Variants in SLCO1B3 observed in about 807,000 individuals in gnomAD.
SLCO1B3 encodes solute carrier organic anion transporter family member 1B3.
Under a neutral mutation model 71.8 loss-of-function variants are expected in SLCO1B3, and 72 were observed. The observed-to-expected ratio is 1.00, with a 90% CI of 0.83 to 1.22. The LOEUF (loss-of-function observed/expected upper bound fraction) is 1.22. Ranked by LOEUF, SLCO1B3 falls within the 50% of genes most tolerant of loss-of-function variation. SLCO1B3 has a pLI of 0.00. For missense variants in SLCO1B3, 911 were observed against 819.7 expected (o/e 1.11, Z -1.36); for synonymous variants, 298 against 278.4 (o/e 1.07, Z -0.70).
At chr12:20,856,802 T>C (rs1865149213) in intron 4 of SLCO1B3, among the ~76,000 whole-genome samples, 1 of 152,228 alleles carries the variant, frequency 6.6e-6, no homozygotes, top group East Asian at 1.9e-4. Context: ...TCAAGTGATC[T>C]GCTAGCCTCA....
intron 3 of SLCO1B3, among the ~76,000 whole-genome samples, chr12:20,849,868 A>T (rs1864990017): frequency 6.6e-6 from 1 of 152,048 alleles, no homozygotes; most frequent in East Asian, 1.9e-4. Flanking sequence ...GTTAAAAAAA[A>T]TCACACACTG....
chr12:20,885,469 TAAGC>T (rs1012305873), intron 13 of SLCO1B3, among the ~76,000 whole-genome samples: 7 of 151,466 alleles, frequency 4.6e-5, no homozygotes, highest in East Asian at 1.9e-4. Context: ...AATAAACAAA[TAAGC>T]AAGTAAATAT....
intron 3 of SLCO1B3, among the ~76,000 whole-genome samples, chr12:20,851,165 A>G (rs1307795069): frequency 2.0e-5 from 3 of 152,168 alleles, no homozygotes; most frequent in Non-Finnish European, 4.4e-5. Flanking sequence ...TCCCAGTTTG[A>G]ATTTCTTTGA....
intron 15 of SLCO1B3, among the ~76,000 whole-genome samples, chr12:20,905,205 A>C (rs1277339067): frequency 6.6e-6 from 1 of 152,156 alleles, no homozygotes; most frequent in Non-Finnish European, 1.5e-5. Context: ...TGCACAGGGC[A>C]GCAGGGCCCT....
intron 3 of SLCO1B3, among the ~76,000 whole-genome samples, chr12:20,850,696 C>T (rs765353156): frequency 4.6e-5 from 7 of 152,084 alleles, no homozygotes; most frequent in Non-Finnish European, 1.0e-4. Context: ...TCTATTGTTC[C>T]CTTCTTTGTA....
intron 14 of SLCO1B3, among the ~76,000 whole-genome samples, chr12:20,900,032 T>G (rs984868138): frequency 6.6e-6 from 1 of 152,188 alleles, no homozygotes; most frequent in Non-Finnish European, 1.5e-5. Flanking sequence ...ACAATTCTAA[T>G]AAGACAAAGT....
At position 20,845,446 on chromosome 12, in the gene SLCO1B3, G is replaced by A. The variant is rs896671377; in HGVS notation, c.85-9582G>A. 5.9e-5 allele frequency among the ~76,000 whole-genome samples: 9 copies of A among 152,234 alleles called. No homozygotes were observed. The South Asian group carries it at 6.2e-4, about 11-fold the overall frequency. On this transcript the variant is annotated intron_variant, in intron 3 of 15. Transcript: ENST00000381545. Reference sequence around the variant, plus strand: ...AGTAAGAAGCTCACCTGTGACTACCGCATTTGTCTCAACTTCTCCTTGTGT... The same window carrying A: ...AGTAAGAAGCTCACCTGTGACTACCACATTTGTCTCAACTTCTCCTTGTGT...
intron 13 of SLCO1B3, among the ~76,000 whole-genome samples, chr12:20,884,917 C>A (rs369752712): frequency 6.6e-6 from 1 of 152,074 alleles, no homozygotes; most frequent in East Asian, 1.9e-4. Context: ...ACAAGTATAG[C>A]TTCATCTTAA....
chr12:20,861,144 A>G lies in SLCO1B3; in HGVS notation c.481+6A>G. ...ACCTGAGATAGTAGAAAAAGGTAAG[A>G]ATTAATAGTGACAGTAAAACAAATT... is the stretch of plus-strand genomic sequence containing the variant. On this transcript the variant is annotated splice_donor_region_variant and intron_variant, in intron 6 of 15. Transcript: ENST00000381545. 6.4e-7 allele frequency: 1 copy of G among 1,568,628 alleles called. No homozygotes were observed. Among genetic ancestry groups the G allele is most frequent in the Non-Finnish European group, 8.6e-7 (1 of 1,159,914 alleles).
At chr12:20,841,154 A>G (rs1864791412) in intron 3 of SLCO1B3, among the ~76,000 whole-genome samples, 1 of 151,534 alleles carries the variant, frequency 6.6e-6, no homozygotes, top group African/African-American at 2.4e-5. Flanking sequence ...GGAAGCTGTT[A>G]CTCCTTATAT....
chr12:20,875,521 A>G (rs1427533867), intron 9 of SLCO1B3, 44 bp downstream of exon 9: 1 of 1,563,482 alleles, frequency 6.4e-7, no homozygotes, highest in Non-Finnish European at 8.6e-7. Context: ...TGTTAATCTC[A>G]ATGAAACGGA....
chr12:20,872,569 CA>C (rs966679762), intron 8 of SLCO1B3, among the ~76,000 whole-genome samples: 20 of 152,078 alleles, frequency 1.3e-4, no homozygotes, highest in Non-Finnish European at 1.8e-4. Flanking sequence ...TCTCAGAGCC[CA>C]AGGCCCTGAG....
chr12:20,813,279 T>C (rs1456676817), intron 1 of SLCO1B3, among the ~76,000 whole-genome samples: 1 of 152,234 alleles, frequency 6.6e-6, no homozygotes. Context: ...GCATAAAATA[T>C]GCAGTAGATC....
In SLCO1B3 at chr12:20,910,153, A is replaced by C. The variant is rs527674716; in HGVS notation, c.1866-5851A>C. On this transcript the variant is annotated intron_variant, in intron 15 of 15. Coordinates refer to ENST00000381545, the MANE Select transcript of SLCO1B3 (RefSeq NM_019844.4). ...TTTGAGTTAATTTTTGTGAAGCCTA[A>C]ATTCATTATTTTGCATGTGGATATC... 4.6e-5 allele frequency among the ~76,000 whole-genome samples: 7 copies of C among 152,216 alleles called. No individual in the cohort carries two copies. In the East Asian group the frequency reaches 7.7e-4, roughly 17 times the overall value.
chr12:20,890,356 G>A (rs757679632), intron 13 of SLCO1B3, among the ~76,000 whole-genome samples: 2 of 152,012 alleles, frequency 1.3e-5, no homozygotes, highest in Non-Finnish European at 2.9e-5. Context: ...TTATTCCACT[G>A]TACTCTGAAA....
chr12:20,821,814 C>A (rs939979676), intron 3 of SLCO1B3, among the ~76,000 whole-genome samples: 3 of 152,186 alleles, frequency 2.0e-5, no homozygotes, highest in African/African-American at 7.2e-5. Context: ...GAGAGGCATC[C>A]CTGCAATGAT....
intron 4 of SLCO1B3, among the ~76,000 whole-genome samples, chr12:20,855,850 C>A (rs1401911276): frequency 6.6e-6 from 1 of 151,184 alleles, no homozygotes; most frequent in Non-Finnish European, 1.5e-5. Context: ...TAGCTTATAG[C>A]CTCTGCTAAT....
chr12:20,853,499 T>C (rs1480560259), intron 3 of SLCO1B3, among the ~76,000 whole-genome samples: 1 of 152,056 alleles, frequency 6.6e-6, no homozygotes, highest in African/African-American at 2.4e-5. Flanking sequence ...TATTCTATGT[T>C]TTCCAGTTTG....
intron 9 of SLCO1B3, among the ~76,000 whole-genome samples, chr12:20,877,015 G>A (rs1865593688): frequency 6.6e-6 from 1 of 152,040 alleles, no homozygotes; most frequent in African/African-American, 2.4e-5. Context: ...TATTTTTGTA[G>A]AGACGGGGTT....
Sources: allele counts gnomAD v4.1 joint callset (sites outside exome capture counted in the v4.1 genomes callset), GRCh38; gene constraint gnomAD v4.1.1; transcripts MANE v1.5; gene names NCBI Gene and HGNC (gene_info 2026-07-23, HGNC 2026-07-21).